Variants in LNX1 observed in about 807,000 individuals in gnomAD.
LNX1 encodes the protein ligand of numb-protein X 1, also known as E3 ubiquitin-protein ligase LNX.
In LNX1, 54 loss-of-function variants were observed where a neutral mutation model predicts 68.4. That is an observed-to-expected ratio of 0.79 (90% confidence interval 0.63 to 0.99). The LOEUF (loss-of-function observed/expected upper bound fraction) is 0.99, where lower values mean the gene tolerates loss of function less well. Among genes scored for constraint, LNX1 ranks in the 50% least tolerant of loss-of-function variants. The pLI is 0.00. For synonymous variants in LNX1, 336 were observed against 350.0 expected, an observed-to-expected ratio of 0.96 and a Z score of 0.45; for missense variants, 906 against 926.4, an observed-to-expected ratio of 0.98 and a Z score of 0.29.
intron 2 of LNX1, among the ~76,000 whole-genome samples, chr4:53,534,230 A>G (rs1442470628): frequency 1.3e-5 from 2 of 152,212 alleles, no homozygotes; most frequent in Non-Finnish European, 2.9e-5. Context: ...CATTGCCTTC[A>G]CGGCTTTGTT....
chr4:53,575,919 G>A, intron 1 of LNX1: 1 of 1,566,432 alleles, frequency 6.4e-7, no homozygotes, highest in Non-Finnish European at 8.6e-7. Context: ...AGGCTGTGCA[G>A]TGTCTTGGGG....
At chr4:53,484,106 C>A (rs1052483677) in intron 6 of LNX1, among the ~76,000 whole-genome samples, 2 of 152,132 alleles carry the variant, frequency 1.3e-5, no homozygotes, top group African/African-American at 2.4e-5. Context: ...CCCCAGACAC[C>A]AAACCGGCTA....
rs376915352 is a variant in LNX1 at position 53,582,377 on chromosome 4, T to G, written c.-86-8289A>C. On this transcript the variant is annotated intron_variant, in intron 1 of 10. Coordinates refer to ENST00000263925, the MANE Select transcript of LNX1 (RefSeq NM_001126328.3). Reference sequence around the variant, plus strand: ...CTTCAAAGAAGCAAAGAATGTAACCTAGGGCCAGGTCTCACAAAAGATCAC... The same window carrying G: ...CTTCAAAGAAGCAAAGAATGTAACCGAGGGCCAGGTCTCACAAAAGATCAC... Among the ~76,000 whole-genome samples the G allele has an allele frequency of 1.1e-4, 16 of 152,300 alleles. No homozygotes were observed. The East Asian group carries it at 2.3e-3, about 22-fold the overall frequency.
intron 2 of LNX1, among the ~76,000 whole-genome samples, chr4:53,510,153 G>A (rs1219759818): frequency 6.6e-6 from 1 of 152,168 alleles, no homozygotes; most frequent in African/African-American, 2.4e-5. Flanking sequence ...AAAAAGGATT[G>A]CCTATTTCAT....
intron 1 of LNX1, among the ~76,000 whole-genome samples, chr4:53,638,481 C>T (rs1471735035): frequency 3.3e-5 from 5 of 152,176 alleles, no homozygotes; most frequent in Middle Eastern, 3.2e-3. Context: ...AACTTTAAGT[C>T]ATGGGATGCA....
At chr4:53,508,291 C>A in intron 2 of LNX1, 64 bp from the exon 3 acceptor site, 1 of 1,575,516 alleles carries the variant, frequency 6.3e-7, no homozygotes. Context: ...CTCAGTCAGC[C>A]CTCTTCAAAT....
In LNX1 at chr4:53,460,714, A is replaced by AAAC. The variant is rs1399824069; in HGVS notation, c.*190_*192dup. 1.8e-6 allele frequency: 1 copy of AAAC among 546,940 alleles called. No individual in the cohort carries two copies. 33.9% of individuals were successfully genotyped at this position (546,940 alleles called of 1,614,324 possible). On this transcript the variant is annotated 3_prime_UTR_variant, in exon 11 of 11. Coordinates refer to ENST00000263925, the MANE Select transcript of LNX1 (RefSeq NM_001126328.3). ...ATGAGAAATCCTCCACACTGAAAAA[A>AAAC]AACTAGTAGTTTTAATTTTTTTGGA...
At chr4:53,577,684 G>A (rs1005043660) in intron 1 of LNX1, among the ~76,000 whole-genome samples, 1 of 152,002 alleles carries the variant, frequency 6.6e-6, no homozygotes, top group African/African-American at 2.4e-5. Context: ...CAAAGTTCTA[G>A]GGTTACAGAT....
At chr4:53,471,867 A>G (rs374372599) in intron 9 of LNX1, among the ~76,000 whole-genome samples, 8 of 152,060 alleles carry the variant, frequency 5.3e-5, no homozygotes, top group Non-Finnish European at 8.8e-5. Context: ...GGAGAAATAG[A>G]AACACTTTTA....
chr4:53,597,210 C>T (rs1732792222), intron 2 of LNX1, among the ~76,000 whole-genome samples: 1 of 152,152 alleles, frequency 6.6e-6, no homozygotes, highest in Admixed American at 6.5e-5. Flanking sequence ...CCTTGGCAAA[C>T]TATCAATTGA....
At chr4:53,597,509 C>T (rs1732804918) in intron 2 of LNX1, among the ~76,000 whole-genome samples, 2 of 152,162 alleles carry the variant, frequency 1.3e-5, no homozygotes, top group Admixed American at 1.3e-4. Context: ...ATGTTCCACC[C>T]TTCATTCTCT....
chr4:53,493,767 T>C (rs1000399800), intron 6 of LNX1, among the ~76,000 whole-genome samples: 11 of 152,256 alleles, frequency 7.2e-5, no homozygotes, highest in Non-Finnish European at 1.2e-4. Context: ...CTTCAGTCAC[T>C]AAGTGGAAGT....
intron 9 of LNX1, among the ~76,000 whole-genome samples, chr4:53,472,883 G>T (rs2150574355): frequency 6.6e-6 from 1 of 152,116 alleles, no homozygotes; most frequent in Middle Eastern, 3.4e-3. Context: ...TGTAAAGCTG[G>T]AAAAGGCTAA....
At chr4:53,587,421 G>C (rs1361374737) in intron 1 of LNX1, among the ~76,000 whole-genome samples, 1 of 152,168 alleles carries the variant, frequency 6.6e-6, no homozygotes, top group Non-Finnish European at 1.5e-5. Context: ...GTTTTGAAAA[G>C]CCTTTGATAC....
At chr4:53,465,576 C>T (rs1722618675) in intron 9 of LNX1, among the ~76,000 whole-genome samples, 1 of 152,218 alleles carries the variant, frequency 6.6e-6, no homozygotes, top group African/African-American at 2.4e-5. Context: ...ACCAGCATAA[C>T]ATACCCCTAC....
upstream of LNX1, chr4:53,594,153 A>ATG (rs757095991): frequency 6.9e-6 from 1 of 144,228 alleles, no homozygotes; most frequent in South Asian, 2.2e-4. Flanking sequence ...ATATATATAT[A>ATG]TATGTATATA....
At chr4:53,476,584 C>T (rs1723576509) in intron 9 of LNX1, among the ~76,000 whole-genome samples, 169 bp downstream of exon 9, 1 of 152,210 alleles carries the variant, frequency 6.6e-6, no homozygotes, top group Admixed American at 6.5e-5. Context: ...TGTCCGCATG[C>T]ATTTTCAGTT....
At chr4:53,563,131 C>T (rs781079167) in intron 2 of LNX1, among the ~76,000 whole-genome samples, 5 of 152,124 alleles carry the variant, frequency 3.3e-5, no homozygotes, top group Admixed American at 1.3e-4. Flanking sequence ...GCATGAATCC[C>T]GGAGGCAGAG....
At chr4:53,546,996 C>T (rs1052654018) in intron 2 of LNX1, among the ~76,000 whole-genome samples, 11 of 152,334 alleles carry the variant, frequency 7.2e-5, no homozygotes, top group African/African-American at 2.4e-4. Context: ...AGCCATTTCC[C>T]TGCCTCTTCA....
Sources: gnomAD v4.1 joint callset for allele counts (sites outside exome capture counted in the v4.1 genomes callset) on GRCh38, gnomAD v4.1.1 for gene constraint, MANE v1.5 for transcripts, NCBI Gene and HGNC (gene_info 2026-07-23, HGNC 2026-07-21) for gene names.